Variants in STPG2 observed in about 807,000 individuals in gnomAD.
STPG2 encodes the protein sperm-tail PG-rich repeat-containing protein 2.
Under a neutral mutation model 54.2 loss-of-function variants are expected in STPG2, and 56 were observed. That is an observed-to-expected ratio of 1.03 (90% CI 0.83 to 1.29). STPG2 has a LOEUF of 1.29. Among genes scored for constraint, STPG2 ranks in the 50% most tolerant of loss-of-function variants. STPG2 has a pLI of 0.00. For synonymous variants in STPG2, 200 were observed against 181.8 expected (o/e 1.10, Z -0.81); for missense variants, 596 against 544.9 (o/e 1.09, Z -0.93).
intron 6 of STPG2, among the ~76,000 whole-genome samples, chr4:97,972,772 A>G (rs558832543): frequency 6.6e-6 from 1 of 152,262 alleles, no homozygotes; most frequent in Admixed American, 6.5e-5. Flanking sequence ...TTCTTTTGAT[A>G]GTGAATAAGT....
chr4:97,840,643 A>C (rs898267374), intron 9 of STPG2, 130 bp downstream of exon 9: 27 of 1,010,178 alleles, frequency 2.7e-5, no homozygotes, highest in Admixed American at 7.9e-5. Flanking sequence ...CTGATGAGAA[A>C]AATGGTTTTG....
intron 10 of STPG2, among the ~76,000 whole-genome samples, chr4:97,616,538 G>C (rs1480780262): frequency 6.6e-6 from 1 of 151,976 alleles, no homozygotes; most frequent in Non-Finnish European, 1.5e-5. Context: ...TTGGAGACTA[G>C]GATATCACTT....
chr4:98,094,462 T>C (rs1010355978), intron 5 of STPG2, among the ~76,000 whole-genome samples: 2 of 152,094 alleles, frequency 1.3e-5, no homozygotes, highest in Admixed American at 6.6e-5. Flanking sequence ...ACTCATTCTG[T>C]TTTTAAAAAG....
intron 5 of STPG2, among the ~76,000 whole-genome samples, chr4:98,027,000 A>G (rs1178836352): frequency 6.6e-6 from 1 of 152,222 alleles, no homozygotes; most frequent in African/African-American, 2.4e-5. Flanking sequence ...TACACAAGGA[A>G]CATTCACCAG....
Position 97,819,332 on chromosome 4 carries a change from A to T in STPG2, c.1204+21441T>A, listed in dbSNP as rs538739586. Reference sequence around the variant, plus strand: ...ACTGAGAAAACAGAATAAATAATTAATTTTTACACAACAGTGATTTTTACA... The same window carrying T: ...ACTGAGAAAACAGAATAAATAATTATTTTTTACACAACAGTGATTTTTACA... On this transcript the variant is annotated intron_variant, in intron 9 of 10. Transcript: ENST00000295268. 2.2e-3 allele frequency among the ~76,000 whole-genome samples: 336 copies of T among 152,178 alleles called. 1 individual carries two copies. The highest frequency in any genetic ancestry group is 3.5e-3 in the Non-Finnish European group (237 of 67,954).
chr4:97,941,983 T>G (rs1326951957), intron 8 of STPG2, among the ~76,000 whole-genome samples: 1 of 151,868 alleles, frequency 6.6e-6, no homozygotes, highest in Admixed American at 6.6e-5. Flanking sequence ...AGTTTTCAGA[T>G]CTAAAGAGGG....
At chr4:97,829,820 G>A (rs1354271842) in intron 9 of STPG2, among the ~76,000 whole-genome samples, 1 of 151,904 alleles carries the variant, frequency 6.6e-6, no homozygotes, top group Non-Finnish European at 1.5e-5. Context: ...AAGAGAAAAT[G>A]AGAGAAAAAA....
chr4:97,598,273 G>A (rs1031434926), intron 10 of STPG2, among the ~76,000 whole-genome samples: 1 of 151,840 alleles, frequency 6.6e-6, no homozygotes. Flanking sequence ...CATGCTTACT[G>A]ATAGGAAGAA....
chr4:97,845,151 AAT>A (rs1335849471), intron 8 of STPG2, among the ~76,000 whole-genome samples: 1 of 151,628 alleles, frequency 6.6e-6, no homozygotes, highest in African/African-American at 2.4e-5. Context: ...TTACATATCT[AAT>A]AAGTTTTTTT....
At chr4:98,056,179 C>T (rs1306434299) in intron 5 of STPG2, among the ~76,000 whole-genome samples, 1 of 152,148 alleles carries the variant, frequency 6.6e-6, no homozygotes, top group African/African-American at 2.4e-5. Context: ...CCCACCACCA[C>T]CAGCACCACA....
intron 5 of STPG2, among the ~76,000 whole-genome samples, chr4:98,100,662 CT>C (rs1166820709): frequency 0.014 from 1,615 of 116,756 alleles, 1 homozygote; most frequent in African/African-American, 0.025. Flanking sequence ...CTTTTTCTTT[CT>C]TTTTTTTTTT....
intron 5 of STPG2, among the ~76,000 whole-genome samples, chr4:98,094,197 A>G (rs1738776133): frequency 6.6e-6 from 1 of 152,118 alleles, no homozygotes; most frequent in South Asian, 2.1e-4. Context: ...CTTTGGATAG[A>G]GTATTGAGCA....
At chr4:97,738,079 G>A (rs893752730) in intron 9 of STPG2, among the ~76,000 whole-genome samples, 3 of 152,112 alleles carry the variant, frequency 2.0e-5, no homozygotes, top group Non-Finnish European at 4.4e-5. Flanking sequence ...AGAAAAGAAT[G>A]TTCAACCCAG....
At chr4:97,594,119 C>T (rs1344551078) in intron 10 of STPG2, among the ~76,000 whole-genome samples, 4 of 152,156 alleles carry the variant, frequency 2.6e-5, no homozygotes, top group Non-Finnish European at 4.4e-5. Context: ...AAACTGTACT[C>T]GTTCCCCAGC....
chr4:97,585,255 A>C (rs1190458523), intron 10 of STPG2, among the ~76,000 whole-genome samples: 4 of 151,990 alleles, frequency 2.6e-5, no homozygotes, highest in African/African-American at 9.7e-5. Flanking sequence ...ACATGAACAG[A>C]ATTAAAAACA....
intron 4 of STPG2, among the ~76,000 whole-genome samples, chr4:97,503,503 A>AT (rs376721288): frequency 0.021 from 3,073 of 149,160 alleles, 64 homozygotes; most frequent in African/African-American, 0.058. Context: ...TGTGTTTAGT[A>AT]TTTTTTTTTT....
At chr4:97,717,690 T>C (rs1724333563) in intron 9 of STPG2, among the ~76,000 whole-genome samples, 1 of 152,142 alleles carries the variant, frequency 6.6e-6, no homozygotes, top group African/African-American at 2.4e-5. Context: ...AAATACATTG[T>C]AGATAAATTT....
chr4:98,084,777 C>T (rs528091178), intron 5 of STPG2, among the ~76,000 whole-genome samples: 11 of 152,192 alleles, frequency 7.2e-5, no homozygotes, highest in African/African-American at 2.6e-4. Context: ...AGTGCCAGTT[C>T]AAATATTTTG....
chr4:97,785,658 T>TATAAAAA (rs1208093254), intron 9 of STPG2, among the ~76,000 whole-genome samples: 33 of 151,982 alleles, frequency 2.2e-4, no homozygotes, highest in African/African-American at 7.7e-4. Flanking sequence ...TGTATCAGGA[T>TATAAAAA]ATAAAAAATA....
Sources: gnomAD v4.1 joint callset for allele counts (sites outside exome capture counted in the v4.1 genomes callset) on GRCh38, gnomAD v4.1.1 for gene constraint, MANE v1.5 for transcripts, NCBI Gene and HGNC (gene_info 2026-07-23, HGNC 2026-07-21) for gene names.